The following BBS9 variants were observed in gnomAD, a reference collection of about 807,000 sequenced individuals.
The protein encoded by BBS9 is Bardet-Biedl syndrome 9, also known as protein PTHB1.
Under a neutral mutation model 117.7 loss-of-function variants are expected in BBS9, and 89 were observed. The ratio of observed to expected loss-of-function variants is 0.76; its 90% confidence interval spans 0.64 to 0.90. The LOEUF is 0.90. Ranked by LOEUF, BBS9 falls within the 40% of genes least tolerant of loss-of-function variation. The pLI is 0.00. For missense variants in BBS9, 982 were observed against 1,042.2 expected (o/e 0.94, Z 0.80); for synonymous variants, 379 against 370.9 (o/e 1.02, Z -0.25).
intron 19 of BBS9, among the ~76,000 whole-genome samples, chr7:33,431,341 C>G (rs1240033664): frequency 6.6e-6 from 1 of 152,102 alleles, no homozygotes; most frequent in Non-Finnish European, 1.5e-5. Context: ...TGGTGGAACT[C>G]TTTTTTGAAC....
intron 8 of BBS9, 120 bp downstream of exon 8, chr7:33,273,315 T>A (rs776079772): frequency 8.5e-6 from 9 of 1,055,262 alleles, no homozygotes; most frequent in Non-Finnish European, 1.3e-5. Context: ...ATATTGAATA[T>A]GTAATGGAAA....
intron 19 of BBS9, among the ~76,000 whole-genome samples, chr7:33,438,295 A>G (rs2128891698): frequency 6.6e-6 from 1 of 152,362 alleles, no homozygotes; most frequent in East Asian, 1.9e-4. Context: ...TAAGCAAGTT[A>G]TAAAAAGCAC....
intron 19 of BBS9, among the ~76,000 whole-genome samples, chr7:33,462,571 G>C (rs543344081): frequency 2.0e-5 from 3 of 152,072 alleles, no homozygotes; most frequent in Non-Finnish European, 1.5e-5. Context: ...ATTTGAAACT[G>C]TAAACGTTCC....
chr7:33,311,057 T>C (rs1447059604), intron 9 of BBS9, among the ~76,000 whole-genome samples: 3 of 152,136 alleles, frequency 2.0e-5, no homozygotes, highest in Admixed American at 2.0e-4. Flanking sequence ...GCCTAGAATG[T>C]GAAGTGAGGG....
chr7:33,195,547 C>G (rs1381614209), intron 5 of BBS9, among the ~76,000 whole-genome samples: 1 of 152,070 alleles, frequency 6.6e-6, no homozygotes, highest in African/African-American at 2.4e-5. Context: ...TAGAAATACA[C>G]TGTCTTATCT....
At chr7:33,634,445 G>A (rs922416806) in intron 21 of BBS9, among the ~76,000 whole-genome samples, 4 of 152,202 alleles carry the variant, frequency 2.6e-5, no homozygotes, top group East Asian at 1.9e-4. Context: ...GCCTATTCAC[G>A]TGGTTGTTGT....
intron 19 of BBS9, among the ~76,000 whole-genome samples, chr7:33,444,277 T>A (rs1836654424): frequency 6.6e-6 from 1 of 152,224 alleles, no homozygotes; most frequent in Non-Finnish European, 1.5e-5. Context: ...AAACTGTTTC[T>A]TTATTGTCAG....
Position 33,234,784 on chromosome 7 carries a change from C to T in BBS9, c.443-22452C>T, listed in dbSNP as rs559516022. Reference sequence around the variant, plus strand: ...ATGAATATTTGAATATATACAGACACGGGTAAAAACATCTGAACATTTTAA... The same window carrying T: ...ATGAATATTTGAATATATACAGACATGGGTAAAAACATCTGAACATTTTAA... On this transcript the variant is annotated intron_variant, in intron 5 of 22. Coordinates refer to ENST00000242067, the MANE Select transcript of BBS9 (RefSeq NM_198428.3). 5.9e-5 allele frequency among the ~76,000 whole-genome samples: 9 copies of T among 151,690 alleles called. No individual in the cohort carries two copies. The East Asian group carries it at 1.6e-3, about 26-fold the overall frequency.
intron 21 of BBS9, among the ~76,000 whole-genome samples, chr7:33,575,712 T>C (rs1218443725): frequency 6.6e-6 from 1 of 152,100 alleles, no homozygotes; most frequent in African/African-American, 2.4e-5. Context: ...TCCACCACAA[T>C]TAAGTCAGCT....
At chr7:33,603,177 C>T (rs1167440572) in intron 21 of BBS9, among the ~76,000 whole-genome samples, 2 of 152,068 alleles carry the variant, frequency 1.3e-5, no homozygotes, top group South Asian at 2.1e-4. Context: ...GTGTGAAGGC[C>T]GCTGCCTGAG....
chr7:33,619,501 A>G (rs1345998259), intron 21 of BBS9, among the ~76,000 whole-genome samples: 1 of 152,174 alleles, frequency 6.6e-6, no homozygotes, highest in African/African-American at 2.4e-5. Context: ...ACTAGTGACC[A>G]AGTAGACCTA....
In BBS9 at chr7:33,234,045, G is replaced by A. The variant is rs1471798301; in HGVS notation, c.443-23191G>A. Among the ~76,000 whole-genome samples, 3 of 152,220 alleles carry A rather than the reference G, an allele frequency of 2.0e-5. No homozygotes were observed. The East Asian group carries it at 5.8e-4, about 29-fold the overall frequency. On this transcript the variant is annotated intron_variant, in intron 5 of 22. Transcript: ENST00000242067. ...TCTTTTTGTCCCACATATCCACCCTGTAGACACTAATCTCCTGTTTGTCAC... is the reference window on the plus strand; with the variant it reads ...TCTTTTTGTCCCACATATCCACCCTATAGACACTAATCTCCTGTTTGTCAC...
chr7:33,364,042 G>A lies in BBS9; in HGVS notation c.1694-3725G>A, dbSNP rs1235403682. Among the ~76,000 whole-genome samples the A allele has an allele frequency of 7.3e-5, 4 of 54,636 alleles. 1 individual carries two copies. Among genetic ancestry groups the A allele is most frequent in the Non-Finnish European group, 1.1e-4 (3 of 26,428 alleles). 35.8% of individuals were successfully genotyped at this position (54,636 alleles called of 152,430 possible). A position where few individuals can be genotyped will look rare whatever the true frequency, so the allele number is the denominator to read the frequency against. The stretch of plus-strand genomic sequence containing the variant: ...CGGCTCACTGCAAGCTCCGCCTCCC[G>A]GGTTCACGCCATTCTCCTGCCTCAG... On this transcript the variant is annotated intron_variant, in intron 16 of 22. Coordinates refer to ENST00000242067, the MANE Select transcript of BBS9 (RefSeq NM_198428.3).
intron 9 of BBS9, among the ~76,000 whole-genome samples, chr7:33,310,734 G>T (rs916505888): frequency 6.6e-6 from 1 of 152,172 alleles, no homozygotes; most frequent in East Asian, 1.9e-4. Context: ...GTATTTACTG[G>T]TAGAGGCCTG....
At chr7:33,471,604 G>T (rs1254733427) in intron 19 of BBS9, among the ~76,000 whole-genome samples, 2 of 152,156 alleles carry the variant, frequency 1.3e-5, no homozygotes, top group Non-Finnish European at 2.9e-5. Context: ...CTGATCCCAG[G>T]TCTCCTTAGC....
intron 19 of BBS9, among the ~76,000 whole-genome samples, chr7:33,411,441 A>G (rs894240699): frequency 1.3e-5 from 2 of 152,154 alleles, no homozygotes; most frequent in African/African-American, 2.4e-5. Flanking sequence ...TTGTGGAGCT[A>G]TTTTAAAAAC....
chr7:33,479,791 T>C lies in BBS9; in HGVS notation c.2116-25672T>C, dbSNP rs376045494. Among the ~76,000 whole-genome samples, 13 of 152,300 alleles carry C rather than the reference T, an allele frequency of 8.5e-5. No individual in the cohort carries two copies. In the East Asian group the frequency reaches 2.3e-3, roughly 27 times the overall value. On this transcript the variant is annotated intron_variant, in intron 19 of 22. Coordinates refer to ENST00000242067, the MANE Select transcript of BBS9 (RefSeq NM_198428.3). ...CCATTCTGACTGGTGTGACATGGTA[T>C]CTTCATTTTGGTTTTGATTTGTGTA...
At chr7:33,319,430 C>A (rs1811225219) in intron 9 of BBS9, among the ~76,000 whole-genome samples, 1 of 152,146 alleles carries the variant, frequency 6.6e-6, no homozygotes, top group South Asian at 2.1e-4. Context: ...ATTGCTGGAT[C>A]AAATGGTAGT....
rs145320781 is a variant in BBS9, at chr7:33,541,723, A to G, written c.2521+7547A>G. Among the ~76,000 whole-genome samples, 439 of 152,338 alleles carry G rather than the reference A, an allele frequency of 2.9e-3. 2 individuals carry two copies. Among genetic ancestry groups the G allele is most frequent in the African/African-American group, 1.0e-2 (415 of 41,570 alleles). ...AAAGACCTCATATTATTATAAAGCC[A>G]TTCGTATAAAATGTCCAGAATAGGC... On this transcript the variant is annotated intron_variant, in intron 21 of 22. Coordinates refer to ENST00000242067, the MANE Select transcript of BBS9 (RefSeq NM_198428.3).
Sources: allele counts gnomAD v4.1 joint callset (sites outside exome capture counted in the v4.1 genomes callset), GRCh38; gene constraint gnomAD v4.1.1; transcripts MANE v1.5; gene names NCBI Gene and HGNC (gene_info 2026-07-23, HGNC 2026-07-21).